Variants in PPP2R3C observed in about 807,000 individuals in gnomAD.
PPP2R3C encodes the protein protein phosphatase 2 regulatory subunit B''gamma, also known as serine/threonine-protein phosphatase 2A regulatory subunit B'' subunit gamma.
Under a neutral mutation model 63.7 loss-of-function variants are expected in PPP2R3C, and 47 were observed. The observed-to-expected ratio is 0.74, with a 90% CI of 0.58 to 0.94. The LOEUF (loss-of-function observed/expected upper bound fraction) is 0.94. Ranked by LOEUF, PPP2R3C falls within the 40% of genes least tolerant of loss-of-function variation. The pLI is 0.00. For missense variants in PPP2R3C, 421 were observed against 518.4 expected (o/e 0.81, Z 1.82); for synonymous variants, 180 against 177.4 (o/e 1.01, Z -0.12).
chr14:35,108,674 G>A (rs1477362775), intron 4 of PPP2R3C, among the ~76,000 whole-genome samples: 1 of 151,938 alleles, frequency 6.6e-6, no homozygotes, highest in Non-Finnish European at 1.5e-5. Flanking sequence ...GGAGGCTGAG[G>A]CAGGAGAATC....
At chr14:35,105,192 CTTTTT>C (rs1023808599) in intron 6 of PPP2R3C, among the ~76,000 whole-genome samples, 1 of 145,070 alleles carries the variant, frequency 6.9e-6, no homozygotes, top group African/African-American at 2.5e-5. Context: ...CTTTAAAAGG[CTTTTT>C]TTTTTGAGAC....
chr14:35,094,715 G>C (rs2045940305), intron 10 of PPP2R3C, among the ~76,000 whole-genome samples: 1 of 152,062 alleles, frequency 6.6e-6, no homozygotes, highest in African/African-American at 2.4e-5. Flanking sequence ...CGTAATCCCA[G>C]CACTTTGGGA....
intron 4 of PPP2R3C, 105 bp downstream of exon 4, chr14:35,109,714 C>A: frequency 1.1e-6 from 1 of 935,832 alleles, no homozygotes; most frequent in South Asian, 1.8e-5. Flanking sequence ...CCTCAGCCTC[C>A]AAAACTGCTG....
intron 1 of PPP2R3C, among the ~76,000 whole-genome samples, chr14:35,119,045 T>C (rs578200353): frequency 6.6e-6 from 1 of 151,068 alleles, no homozygotes; most frequent in Non-Finnish European, 1.5e-5. Context: ...ATGACTTTTT[T>C]TTTTTTTTTT....
intron 9 of PPP2R3C, 35 bp downstream of exon 9, chr14:35,096,523 A>G: frequency 6.4e-7 from 1 of 1,573,402 alleles, no homozygotes; most frequent in Non-Finnish European, 8.7e-7. Context: ...TGAAGAATGG[A>G]TAATTCAAAT....
chr14:35,106,077 C>G (rs913996282), intron 6 of PPP2R3C, among the ~76,000 whole-genome samples: 1 of 151,588 alleles, frequency 6.6e-6, no homozygotes, highest in Admixed American at 6.6e-5. Flanking sequence ...GATCTCCTGA[C>G]CTCGTGATCC....
At chr14:35,087,805 G>T (rs184613341) in intron 12 of PPP2R3C, 146 bp downstream of exon 12, 1 of 643,484 alleles carries the variant, frequency 1.6e-6, no homozygotes, top group Non-Finnish European at 2.8e-6. Context: ...GTCTCAGTTC[G>T]TAATGATTTA....
At chr14:35,107,207 A>G (rs1422724075) in intron 6 of PPP2R3C, 97 bp downstream of exon 6, 7 of 914,520 alleles carry the variant, frequency 7.7e-6, no homozygotes, top group Non-Finnish European at 1.2e-5. Flanking sequence ...ACAAAGTATT[A>G]TGAGAACAGC....
chr14:35,121,591 A>T (rs1229267309), intron 1 of PPP2R3C, among the ~76,000 whole-genome samples: 1 of 152,206 alleles, frequency 6.6e-6, no homozygotes, highest in African/African-American at 2.4e-5. Flanking sequence ...AGGCAGGAGG[A>T]CAATTATAGG....
chr14:35,085,755 T>G lies in PPP2R3C; in HGVS notation c.1197A>C (p.Lys399Asn). 1 of 1,602,160 alleles carries G rather than the reference T, an allele frequency of 6.2e-7. No homozygotes were observed. ...GAGAGATTTTCAAAGGATCCTTTGG[T>G]TTTACCATGTCAAAGATTTCATCCT... ...DVKDEIFDMV[K>N]PKDPLKISLQ... is the part of the protein sequence containing the mutation. Residue 399 changes from lysine to asparagine, a missense_variant, in exon 13 of 13, where the codon AAA becomes AAC. Physicochemically the swap from Lys to Asn is moderately conservative, Grantham distance 94 (BLOSUM62 0). Coordinates refer to ENST00000261475, the MANE Select transcript of PPP2R3C (RefSeq NM_017917.4).
upstream of PPP2R3C, chr14:35,122,085 G>A: frequency 1.0e-6 from 1 of 959,654 alleles, no homozygotes; most frequent in Non-Finnish European, 1.6e-6. Flanking sequence ...CATCTTGATC[G>A]AGGGCGGAAG....
intron 11 of PPP2R3C, among the ~76,000 whole-genome samples, chr14:35,090,147 A>G (rs1170005007): frequency 1.3e-5 from 2 of 152,008 alleles, no homozygotes; most frequent in Non-Finnish European, 2.9e-5. Flanking sequence ...GATAAATTCT[A>G]TACTTGTGAT....
intron 2 of PPP2R3C, among the ~76,000 whole-genome samples, chr14:35,114,432 T>C (rs2046650027): frequency 6.6e-6 from 1 of 152,210 alleles, no homozygotes; most frequent in South Asian, 2.1e-4. Flanking sequence ...AATATTTCAG[T>C]ATCTGGATAA....
chr14:35,121,439 A>G (rs565206583), intron 1 of PPP2R3C, among the ~76,000 whole-genome samples: 1 of 152,326 alleles, frequency 6.6e-6, no homozygotes, highest in South Asian at 2.1e-4. Context: ...CACTTTCAAC[A>G]GCCCTTAGTG....
chr14:35,108,477 G>C (rs1406529736), intron 4 of PPP2R3C, among the ~76,000 whole-genome samples: 1 of 151,672 alleles, frequency 6.6e-6, no homozygotes, highest in East Asian at 1.9e-4. Flanking sequence ...GGCTGAGGCA[G>C]GCACATCATG....
chr14:35,087,684 G>A, intron 12 of PPP2R3C: 2 of 372,200 alleles, frequency 5.4e-6, no homozygotes, highest in Admixed American at 4.0e-5. Flanking sequence ...ACAAGCATGA[G>A]CCACTGAGCC....
rs749706023 is a variant in PPP2R3C, at chr14:35,108,151, C to A, written c.490G>T (p.Val164Phe). The change falls in exon 5 of 13, where the codon GTC becomes TTC. Residue 164 changes from valine to phenylalanine, a missense_variant. Physicochemically the swap from Val to Phe is conservative, Grantham distance 50 (BLOSUM62 -1). Coordinates refer to ENST00000261475, the MANE Select transcript of PPP2R3C (RefSeq NM_017917.4). ...AAAAATGAATCACCTTTTCTCATGA[C>A]ATAATTAAAGAACTGCATGATGGAA... ...RISIMQFFNY[V>F]MRKVWLHQTR... 1.2e-6 allele frequency: 2 copies of A among 1,607,382 alleles called. No individual in the cohort carries two copies. Among genetic ancestry groups the A allele is most frequent in the South Asian group, 2.2e-5 (2 of 88,912 alleles).
intron 11 of PPP2R3C, 55 bp downstream of exon 11, chr14:35,091,015 C>CAA: frequency 6.6e-7 from 1 of 1,508,298 alleles, no homozygotes; most frequent in Non-Finnish European, 9.0e-7. Context: ...GCACCGGCAG[C>CAA]AACAAAATGA....
chr14:35,089,945 A>G (rs8012905), intron 11 of PPP2R3C, among the ~76,000 whole-genome samples: 45,395 of 152,040 alleles, frequency 0.3, 7,733 homozygotes, highest in Non-Finnish European at 0.4. Context: ...GATTACAGGC[A>G]TGAGCCACCG....
Sources: allele counts gnomAD v4.1 joint callset (sites outside exome capture counted in the v4.1 genomes callset), GRCh38; gene constraint gnomAD v4.1.1; transcripts MANE v1.5; gene names NCBI Gene and HGNC (gene_info 2026-07-23, HGNC 2026-07-21).